PLAGL2: variants seen among roughly 807,000 people sequenced by gnomAD.
PLAGL2 encodes zinc finger protein PLAGL2.
PLAGL2 carries 7 observed loss-of-function variants against 29.0 expected under a neutral mutation model. The ratio of observed to expected loss-of-function variants is 0.24; its 90% CI spans 0.14 to 0.45. The LOEUF (loss-of-function observed/expected upper bound fraction) is 0.45, where lower values mean the gene tolerates loss of function less well. PLAGL2 is among the 20% of genes least tolerant of loss of function. The pLI is 0.99. For synonymous variants in PLAGL2, 234 were observed against 266.0 expected (o/e 0.88, Z 1.17); for missense variants, 454 against 648.2 (o/e 0.70, Z 3.25).
chr20:32,207,730 G>A lies in PLAGL2; in HGVS notation c.-204C>T, dbSNP rs1393882752. Reference sequence around the variant, plus strand: ...CGGTAGTGGCGGCGGTCGGGCCATTGTGCGGTGCATTGTGGGAGCCGCGCG... The same window carrying A: ...CGGTAGTGGCGGCGGTCGGGCCATTATGCGGTGCATTGTGGGAGCCGCGCG... On this transcript the variant is annotated 5_prime_UTR_variant, in exon 1 of 3. Coordinates refer to ENST00000246229, the MANE Select transcript of PLAGL2 (RefSeq NM_002657.3). 23 of 371,026 alleles carry A rather than the reference G, an allele frequency of 6.2e-5. No individual in the cohort carries two copies. In the East Asian group the frequency reaches 1.4e-3, roughly 22 times the overall value. The allele number at this position is 371,026 out of a possible 1,614,324, so 23.0% of individuals were successfully genotyped here.
rs747361855 is a variant in PLAGL2, at chr20:32,197,268, G to A, written c.675C>T (p.Ala225=). The part of the protein sequence containing the change: ...GRKDFLCQYC[A]QRFGRKDHLT... ...GGTGGTCCTTACGGCCAAACCGCTG[G>A]GCACAGTACTGGCACAGGAAGTCCT... The change falls in exon 3 of 3, where the codon GCC becomes GCT. Residue 225 remains alanine, a synonymous_variant. Transcript: ENST00000246229. This position sits in a 1 kb window ranked among gnomAD's most constrained non-coding sequence, Gnocchi z 6.6. 1.9e-6 allele frequency: 3 copies of A among 1,613,500 alleles called. No homozygotes were observed. Among genetic ancestry groups the A allele is most frequent in the Non-Finnish European group, 2.5e-6 (3 of 1,179,716 alleles).
chr20:32,198,474 C>T (rs1255172706), intron 2 of PLAGL2, among the ~76,000 whole-genome samples: 1 of 152,148 alleles, frequency 6.6e-6, no homozygotes, highest in African/African-American at 2.4e-5. Context: ...GACCTTGTCT[C>T]TACAAAATCT....
intron 2 of PLAGL2, among the ~76,000 whole-genome samples, chr20:32,198,943 A>G (rs1287264282): frequency 1.3e-5 from 2 of 152,198 alleles, no homozygotes; most frequent in African/African-American, 4.8e-5. Flanking sequence ...ATGGTATGGC[A>G]CTTCAGTGTC....
chr20:32,202,687 G>A (rs370700253), intron 1 of PLAGL2, among the ~76,000 whole-genome samples: 1 of 152,128 alleles, frequency 6.6e-6, no homozygotes, highest in Admixed American at 6.5e-5. Context: ...TAGAGATAGC[G>A]GTTCCTCCTT....
In PLAGL2 at chr20:32,197,030, T is replaced by C. The variant is rs769309742; in HGVS notation, c.913A>G (p.Met305Val). The C allele has an allele frequency of 6.2e-6, 10 of 1,614,134 alleles. No homozygotes were observed. Among genetic ancestry groups the C allele is most frequent in the South Asian group, 1.1e-5 (1 of 91,084 alleles). ...GAGTGTGGCACGCCCGTGCTGGGCA[T>C]GGTAGGGATGTGGGCACCATACATG... ...MGMYGAHIPT[M>V]PSTGVPHSLV... The change falls in exon 3 of 3, where the codon ATG (methionine) becomes GTG (valine). Residue 305 changes from methionine to valine, a missense_variant. Physicochemically the swap from Met to Val is conservative, Grantham distance 21 (BLOSUM62 1). Around this residue, in one of 4 missense-constraint regions of PLAGL2, gnomAD observed 247 missense variants for 350.3 expected, o/e 0.71. Coordinates refer to ENST00000246229, the MANE Select transcript of PLAGL2 (RefSeq NM_002657.3). This position sits in a 1 kb window ranked among gnomAD's most constrained non-coding sequence, Gnocchi z 6.6.
rs566293376 is a variant in PLAGL2 at position 32,194,030 on chromosome 20, G to T, written c.*2422C>A. 2.6e-5 allele frequency: 4 copies of T among 152,878 alleles called. No homozygotes were observed. Among genetic ancestry groups the T allele is most frequent in the African/African-American group, 9.6e-5 (4 of 41,576 alleles). 9.5% of individuals were successfully genotyped at this position (152,878 alleles called of 1,614,324 possible). On this transcript the variant is annotated 3_prime_UTR_variant, in exon 3 of 3. Coordinates refer to ENST00000246229, the MANE Select transcript of PLAGL2 (RefSeq NM_002657.3). The stretch of plus-strand genomic sequence containing the variant: ...GGGGGCAAGGCCCCGGTTACAAAGG[G>T]TTTAAACAGTTGCTTTGCCAGTCCT...
In PLAGL2 at chr20:32,196,745, G is replaced by C. The variant is rs778326585; in HGVS notation, c.1198C>G (p.Pro400Ala). ...CAGAGGGCCTCAGAGAGGTTGGCGG[G>C]GCTCTTGGCAAGCAGTGCTTCATCT... ...LLDEALLAKS[P>A]ANLSEALCAA... Residue 400 changes from proline to alanine, a missense_variant, in exon 3 of 3, where the codon CCC becomes GCC. Around this residue, in one of 4 missense-constraint regions of PLAGL2, gnomAD observed 247 missense variants for 350.3 expected, o/e 0.71. Coordinates refer to ENST00000246229, the MANE Select transcript of PLAGL2 (RefSeq NM_002657.3). 10 of 1,593,106 alleles carry C rather than the reference G, an allele frequency of 6.3e-6. No individual in the cohort carries two copies. Among genetic ancestry groups the C allele is most frequent in the African/African-American group, 1.3e-5 (1 of 74,580 alleles).
intron 2 of PLAGL2, among the ~76,000 whole-genome samples, chr20:32,200,875 C>T (rs562555387): frequency 7.9e-5 from 12 of 152,290 alleles, no homozygotes; most frequent in South Asian, 4.1e-4. Context: ...ATTACAAGTG[C>T]GAGCCACCAC....
At chr20:32,202,928 C>T (rs1396706995) in intron 1 of PLAGL2, among the ~76,000 whole-genome samples, 2 of 152,186 alleles carry the variant, frequency 1.3e-5, no homozygotes, top group South Asian at 2.1e-4. Context: ...TTTCCCTAAA[C>T]CAGGACTAGA....
intron 2 of PLAGL2, among the ~76,000 whole-genome samples, chr20:32,200,607 T>C (rs2047254389): frequency 6.6e-6 from 1 of 151,994 alleles, no homozygotes; most frequent in African/African-American, 2.4e-5. Context: ...TTTTTGTTTT[T>C]TTTGAGACAG....
In PLAGL2 at chr20:32,202,831, A is replaced by T; in HGVS notation, c.-114-539T>A. Among the ~76,000 whole-genome samples, 2 of 152,238 alleles carry T rather than the reference A, an allele frequency of 1.3e-5. 1 individual carries two copies. Among genetic ancestry groups the T allele is most frequent in the East Asian group, 3.8e-4 (2 of 5,198 alleles). On this transcript the variant is annotated intron_variant, in intron 1 of 2. Transcript: ENST00000246229. Reference sequence around the variant, plus strand: ...CCTCTACTTAGGAAATTTACATCCTAGTCAGTCCTGGTACCAGATGTGTTT... The same window carrying T: ...CCTCTACTTAGGAAATTTACATCCTTGTCAGTCCTGGTACCAGATGTGTTT...
chr20:32,206,154 A>C (rs1405397308), intron 1 of PLAGL2, among the ~76,000 whole-genome samples: 1 of 150,238 alleles, frequency 6.7e-6, no homozygotes, highest in Non-Finnish European at 1.5e-5. Flanking sequence ...AAAACAAAAC[A>C]AAAAACAGAT....
rs1175071681 is a variant in PLAGL2, at chr20:32,201,955, C to T, written c.224G>A (p.Cys75Tyr). 1 of 1,614,154 alleles carries T rather than the reference C, an allele frequency of 6.2e-7. No homozygotes were observed. ...QRPYSCPQLH[C>Y]GKAFASKYKL... ...GTATTTGGAAGCAAAAGCCTTGCCA[C>T]AGTGCAGCTGAGGGCAGCTATATGG... The change falls in exon 2 of 3, where the codon TGT (cysteine) becomes TAT (tyrosine). Residue 75 changes from cysteine to tyrosine, a missense_variant. Around this residue, in one of 4 missense-constraint regions of PLAGL2, gnomAD observed 111 missense variants for 173.1 expected, o/e 0.64. Transcript: ENST00000246229.
chr20:32,200,605 T>C (rs1382670827), intron 2 of PLAGL2, among the ~76,000 whole-genome samples: 1 of 152,036 alleles, frequency 6.6e-6, no homozygotes, highest in African/African-American at 2.4e-5. Context: ...CTTTTTTGTT[T>C]TTTTTGAGAC....
At chr20:32,207,233 G>A (rs2122553021) in intron 1 of PLAGL2, among the ~76,000 whole-genome samples, 1 of 152,272 alleles carries the variant, frequency 6.6e-6, no homozygotes, top group African/African-American at 2.4e-5. Context: ...GGGTTATGTG[G>A]GTCTGGGTAG....
Position 32,196,857 on chromosome 20 carries a change from A to G in PLAGL2, c.1086T>C (p.Phe362=), listed in dbSNP as rs1307161669. ...ACAGGCTTCCAGGAAGCTCCGCCAGAAAACTATCCACCTCCACTTTGGGCA... is the reference window on the plus strand; with the variant it reads ...ACAGGCTTCCAGGAAGCTCCGCCAGGAAACTATCCACCTCCACTTTGGGCA... ...DKLPKVEVDS[F]LAELPGSLSL... The change falls in exon 3 of 3, where the codon TTT becomes TTC. Residue 362 remains phenylalanine (F), a synonymous_variant. Coordinates refer to ENST00000246229, the MANE Select transcript of PLAGL2 (RefSeq NM_002657.3). 3 of 1,614,160 alleles carry G rather than the reference A, an allele frequency of 1.9e-6. No homozygotes were observed. Among genetic ancestry groups the G allele is most frequent in the Non-Finnish European group, 1.7e-6 (2 of 1,180,000 alleles).
In PLAGL2 at chr20:32,195,563, T is replaced by C. The variant is rs923276727; in HGVS notation, c.*889A>G. On this transcript the variant is annotated 3_prime_UTR_variant, in exon 3 of 3. Transcript: ENST00000246229. ...CTCCAATCCTCTTGCCTGTCTTCTGTGGATACCGCCGAGGCAGGCAGGAAC... is the reference window on the plus strand; with the variant it reads ...CTCCAATCCTCTTGCCTGTCTTCTGCGGATACCGCCGAGGCAGGCAGGAAC... 2.0e-5 allele frequency: 3 copies of C among 152,646 alleles called. No individual in the cohort carries two copies. The highest frequency in any genetic ancestry group is 7.2e-5 in the African/African-American group (3 of 41,438). The allele number at this position is 152,646 out of a possible 1,614,324, so 9.5% of individuals were successfully genotyped here.
Position 32,201,986 on chromosome 20 carries a change from G to A in PLAGL2, c.193C>T (p.Gln65Ter), listed in dbSNP as rs2047261816. The change falls in exon 2 of 3, where the codon CAG becomes TAG. Residue 65 changes from glutamine (Q) to a stop codon, truncating the protein, a stop_gained. Coordinates refer to ENST00000246229, the MANE Select transcript of PLAGL2 (RefSeq NM_002657.3). LOFTEE classifies it high-confidence loss of function. ...AGCTGAGGGCAGCTATATGGTCTCTGCTCTGGTTGCGGGAGGCTGTGAGGC... is the reference window on the plus strand; with the variant it reads ...AGCTGAGGGCAGCTATATGGTCTCTACTCTGGTTGCGGGAGGCTGTGAGGC... ...LRPHSLPQPE[Q>*]RPYSCPQLHC... The A allele has an allele frequency of 1.2e-6, 2 of 1,614,104 alleles. No homozygotes were observed. Among genetic ancestry groups the A allele is most frequent in the Non-Finnish European group, 1.7e-6 (2 of 1,179,922 alleles).
chr20:32,202,174 G>C lies in PLAGL2; in HGVS notation c.5C>G (p.Thr2Ser). 6.2e-7 allele frequency: 1 copy of C among 1,614,048 alleles called. No homozygotes were observed. Among genetic ancestry groups the C allele is most frequent in the African/African-American group, 1.3e-5 (1 of 75,046 alleles). Residue 2 changes from threonine to serine, a missense_variant, in exon 2 of 3, where the codon ACC (threonine) becomes AGC (serine). Physicochemically the swap from Thr to Ser is moderately conservative, Grantham distance 58. This residue lies in a region of PLAGL2 where 89 missense variants were observed against 90.4 expected (regional missense o/e 0.98). Coordinates refer to ENST00000246229, the MANE Select transcript of PLAGL2 (RefSeq NM_002657.3). M[T>S]TFFTSVPPWI... is the part of the protein sequence containing the mutation. ...GGGGGGGACGCTGGTGAAAAATGTGGTCATGGCAAGGCTAATGGCAAAGGG... is the reference window on the plus strand; with the variant it reads ...GGGGGGGACGCTGGTGAAAAATGTGCTCATGGCAAGGCTAATGGCAAAGGG...
Sources: allele counts gnomAD v4.1 joint callset (sites outside exome capture counted in the v4.1 genomes callset), GRCh38; gene constraint gnomAD v4.1.1; regional missense constraint gnomAD v4.1.1; non-coding constraint Gnocchi (gnomAD v3.1); transcripts MANE v1.5; gene names NCBI Gene and HGNC (gene_info 2026-07-23, HGNC 2026-07-21).